Variants in RAB25 observed in about 807,000 individuals in gnomAD.
RAB25 encodes the protein ras-related protein Rab-25.
RAB25 carries 23 observed loss-of-function variants against 25.2 expected under a neutral mutation model. The ratio of observed to expected loss-of-function variants is 0.91; its 90% CI spans 0.66 to 1.29. The LOEUF (loss-of-function observed/expected upper bound fraction) is 1.29. Ranked by LOEUF, RAB25 falls within the 50% of genes most tolerant of loss-of-function variation. The pLI, the probability that RAB25 is intolerant of heterozygous loss-of-function variation, is 0.00. For missense variants in RAB25, 244 were observed against 277.3 expected, an observed-to-expected ratio of 0.88 and a Z score of 0.85; for synonymous variants, 102 against 111.5, an observed-to-expected ratio of 0.91 and a Z score of 0.54.
At chr1:156,066,306 A>G (rs1033543623) in intron 2 of RAB25, 200 bp downstream of exon 2, 2 of 446,288 alleles carry the variant, frequency 4.5e-6, no homozygotes, top group Non-Finnish European at 7.8e-6. Context: ...GACTAGTACT[A>G]CTAAAAGCAG....
chr1:156,070,091 G>C (rs984825819), intron 4 of RAB25, 69 bp from the exon 5 acceptor site: 2 of 1,611,954 alleles, frequency 1.2e-6, no homozygotes, highest in South Asian at 2.2e-5. Context: ...AGTATGTATG[G>C]GGGGGTTGGG....
Position 156,068,385 on chromosome 1 carries a change from G to A in RAB25, c.355G>A (p.Val119Ile), listed in dbSNP as rs184394789. The A allele has an allele frequency of 1.1e-5, 17 of 1,614,120 alleles. No individual in the cohort carries two copies. The highest frequency in any genetic ancestry group is 6.7e-5 in the Admixed American group (4 of 60,016). Residue 119 changes from valine to isoleucine, a missense_variant, in exon 3 of 5, where the codon GTC (valine) becomes ATC (isoleucine). Physicochemically the swap from Val to Ile is conservative, Grantham distance 29 (BLOSUM62 3). Coordinates refer to ENST00000361084, the MANE Select transcript of RAB25 (RefSeq NM_020387.4). Reference protein sequence around the residue: ...ELYDHAEATIVVMLVGNKSDL... With the variant: ...ELYDHAEATIIVMLVGNKSDL... ...CTATGACCATGCTGAAGCCACGATC[G>A]TCGTCATGCTCGTGGGTAACAAAAG...
At chr1:156,062,826 G>A in intron 1 of RAB25, among the ~76,000 whole-genome samples, 1 of 152,050 alleles carries the variant, frequency 6.6e-6, no homozygotes, top group Admixed American at 6.5e-5. Flanking sequence ...GGCCGAGGCG[G>A]CGGGATCACT....
At chr1:156,068,522 A>G (rs1257409932) in intron 3 of RAB25, 59 bp downstream of exon 3, 13 of 1,550,786 alleles carry the variant, frequency 8.4e-6, no homozygotes, top group Middle Eastern at 4.6e-4. Context: ...TTTCCCTTGC[A>G]GTCTCCCAGC....
intron 3 of RAB25, 88 bp from the exon 4 acceptor site, chr1:156,069,583 C>A: frequency 9.4e-7 from 1 of 1,067,128 alleles, no homozygotes; most frequent in Non-Finnish European, 1.4e-6. Flanking sequence ...GAGTTTAGCA[C>A]ATGGCAAATG....
rs761473327 is a variant in RAB25 at position 156,061,426 on chromosome 1, A to G, written c.26A>G (p.Tyr9Cys). ...ATGGGGAATGGAACTGAGGAAGATT[A>G]TAACTTTGTCTTCAAGGGTGAGTTG... MGNGTEED[Y>C]NFVFKVVLIG... The change falls in exon 1 of 5, where the codon TAT (tyrosine) becomes TGT (cysteine). Residue 9 changes from tyrosine (Y) to cysteine (C), a missense_variant. Physicochemically the swap from Tyr to Cys is radical, Grantham distance 194. Transcript: ENST00000361084. The G allele has an allele frequency of 4.0e-5, 64 of 1,613,944 alleles. 1 individual carries two copies. The highest frequency in any genetic ancestry group is 5.3e-5 in the Non-Finnish European group (62 of 1,179,958).
At chr1:156,070,078 T>C (rs1647862291) in intron 4 of RAB25, 82 bp from the exon 5 acceptor site, 2 of 1,605,144 alleles carry the variant, frequency 1.2e-6, no homozygotes, top group Middle Eastern at 1.6e-4. Context: ...AGAAGGGGCA[T>C]GCAGTATGTA....
In RAB25 at chr1:156,065,912, GGT is replaced by G. The variant is rs1558097404; in HGVS notation, c.47_48del (p.Val16AlafsTer20). The G allele has an allele frequency of 6.3e-7, 1 of 1,592,388 alleles. No homozygotes were observed. Among genetic ancestry groups the G allele is most frequent in the South Asian group, 1.1e-5 (1 of 88,036 alleles). On this transcript the variant is annotated frameshift_variant and splice_region_variant, in exon 2 of 5. Coordinates refer to ENST00000361084, the MANE Select transcript of RAB25 (RefSeq NM_020387.4). LOFTEE classifies it high-confidence loss of function. The part of the protein sequence containing the change: ...EEDYNFVFKV[V>X]LIGESGVGKT... ...GCCCTTATCTCTCCACTCCTTCAGT[GGT>G]GCTGATCGGCGAATCAGGTGTGGGG...
rs1647873160 is a variant in RAB25 at position 156,070,400 on chromosome 1, C to G, written c.*113C>G. 7.2e-7 allele frequency: 1 copy of G among 1,394,674 alleles called. No homozygotes were observed. The highest frequency in any genetic ancestry group is 1.4e-5 in the African/African-American group (1 of 69,368). 86.4% of individuals were successfully genotyped at this position (1,394,674 alleles called of 1,614,324 possible). On this transcript the variant is annotated 3_prime_UTR_variant, in exon 5 of 5. Transcript: ENST00000361084. ...CAGATATCAGACTGTTCCCTGTTCA[C>G]AGCACCCTCAGGGTCTTAAGGTCTT... is the stretch of plus-strand genomic sequence containing the variant.
At chr1:156,066,338 C>A in intron 2 of RAB25, 1 of 397,438 alleles carries the variant, frequency 2.5e-6, no homozygotes. Flanking sequence ...ACTTACTAAG[C>A]CTTTGCTATG....
At chr1:156,062,841 G>C in intron 1 of RAB25, among the ~76,000 whole-genome samples, 1 of 151,862 alleles carries the variant, frequency 6.6e-6, no homozygotes, top group Admixed American at 6.6e-5. Context: ...ATCACTTAAG[G>C]TCTGGAGTTC....
rs780487580 is a variant in RAB25, at chr1:156,065,951, A to G, written c.84A>G (p.Leu28=). The change falls in exon 2 of 5, where the codon CTA becomes CTG. Residue 28 remains leucine, a synonymous_variant. Coordinates refer to ENST00000361084, the MANE Select transcript of RAB25 (RefSeq NM_020387.4). The part of the protein sequence containing the change: ...IGESGVGKTN[L]LSRFTRNEFS... ...AATCAGGTGTGGGGAAGACCAATCT[A>G]CTCTCCCGATTCACGCGCAATGAGT... The G allele has an allele frequency of 6.2e-7, 1 of 1,611,150 alleles. No homozygotes were observed. Among genetic ancestry groups the G allele is most frequent in the African/African-American group, 1.3e-5 (1 of 74,446 alleles).
At chr1:156,068,648 G>A (rs750047022) in intron 3 of RAB25, among the ~76,000 whole-genome samples, 185 bp downstream of exon 3, 1 of 148,326 alleles carries the variant, frequency 6.7e-6, no homozygotes, top group Non-Finnish European at 1.5e-5. Flanking sequence ...TGTCTCCCAT[G>A]ATGTCCCACC....
chr1:156,069,997 A>G (rs1647860701), intron 4 of RAB25, 163 bp from the exon 5 acceptor site: 2 of 1,121,290 alleles, frequency 1.8e-6, no homozygotes, highest in Non-Finnish European at 2.6e-6. Flanking sequence ...AGTAAGTAGA[A>G]GGGACCCCTA....
Position 156,069,722 on chromosome 1 carries a change from T to A in RAB25, c.485T>A (p.Val162Asp). 1 of 1,613,232 alleles carries A rather than the reference T, an allele frequency of 6.2e-7. No individual in the cohort carries two copies. Among genetic ancestry groups the A allele is most frequent in the Non-Finnish European group, 8.5e-7 (1 of 1,179,188 alleles). ...LETSALDSTN[V>D]ELAFETVLKE... is the part of the protein sequence containing the mutation. ...ACCTCAGCCCTGGACTCTACCAATG[T>A]TGAGCTAGCCTTTGAGACTGTCCTG... is the stretch of plus-strand genomic sequence containing the variant. Residue 162 changes from valine to aspartate, a missense_variant, in exon 4 of 5, where the codon GTT becomes GAT. Transcript: ENST00000361084.
chr1:156,068,653 C>T (rs1347367479), intron 3 of RAB25, among the ~76,000 whole-genome samples, 190 bp downstream of exon 3: 2 of 151,338 alleles, frequency 1.3e-5, no homozygotes, highest in African/African-American at 2.4e-5. Flanking sequence ...CCCATGATGT[C>T]CCACCACTTG....
At chr1:156,064,528 C>T (rs190949167) in intron 1 of RAB25, among the ~76,000 whole-genome samples, 27 of 152,178 alleles carry the variant, frequency 1.8e-4, no homozygotes, top group Admixed American at 2.6e-4. Flanking sequence ...AATCCTCCCA[C>T]CTCAGCCTCC....
Position 156,061,216 on chromosome 1 carries a change from T to C in RAB25, c.-185T>C, listed in dbSNP as rs1311700656. On this transcript the variant is annotated 5_prime_UTR_variant, in exon 1 of 5. Transcript: ENST00000361084. ...CACCCCCACCTGCCAGAGCTGATCC[T>C]CCCTAGGCCCTGCCTAACCTTGAGT... 1.6e-6 allele frequency: 1 copy of C among 638,972 alleles called. No homozygotes were observed. Among genetic ancestry groups the C allele is most frequent in the Non-Finnish European group, 2.8e-6 (1 of 354,602 alleles). The allele number at this position is 638,972 out of a possible 1,614,324, so 39.6% of individuals were successfully genotyped here.
In RAB25 at chr1:156,061,378, T is replaced by G. The variant is rs757317854; in HGVS notation, c.-23T>G. The G allele has an allele frequency of 6.2e-7, 1 of 1,613,564 alleles. No individual in the cohort carries two copies. Among genetic ancestry groups the G allele is most frequent in the Non-Finnish European group, 8.5e-7 (1 of 1,179,656 alleles). On this transcript the variant is annotated 5_prime_UTR_variant, in exon 1 of 5. Coordinates refer to ENST00000361084, the MANE Select transcript of RAB25 (RefSeq NM_020387.4). Reference sequence around the variant, plus strand: ...TGTCGCCTCTGTCCCCGAAGACACCTGCACCCTCCATGCGGAGCCAAGATG... The same window carrying G: ...TGTCGCCTCTGTCCCCGAAGACACCGGCACCCTCCATGCGGAGCCAAGATG...
Sources: gnomAD v4.1 joint callset for allele counts (sites outside exome capture counted in the v4.1 genomes callset) on GRCh38, gnomAD v4.1.1 for gene constraint, MANE v1.5 for transcripts, NCBI Gene and HGNC (gene_info 2026-07-23, HGNC 2026-07-21) for gene names.